The following SGCZ variants were observed in gnomAD, a reference collection of about 807,000 sequenced individuals.
SGCZ encodes sarcoglycan zeta.
SGCZ carries 40 observed loss-of-function variants against 41.3 expected under a neutral mutation model. The observed-to-expected ratio is 0.97, with a 90% confidence interval of 0.75 to 1.26. The LOEUF (loss-of-function observed/expected upper bound fraction) is 1.26. SGCZ is among the 50% of genes most tolerant of loss of function. The pLI is 0.00. For missense variants in SGCZ, 552 were observed against 369.8 expected, an observed-to-expected ratio of 1.49 and a Z score of -4.04; for synonymous variants, 206 against 137.5, an observed-to-expected ratio of 1.50 and a Z score of -3.49.
At chr8:15,028,531 C>G (rs559437448) in intron 1 of SGCZ, among the ~76,000 whole-genome samples, 19 of 152,054 alleles carry the variant, frequency 1.2e-4, no homozygotes, top group African/African-American at 4.1e-4. Context: ...AAGTCAGTTT[C>G]ATAAGGAACA....
chr8:14,906,829 G>C (rs1015840189), intron 1 of SGCZ, among the ~76,000 whole-genome samples: 1 of 152,152 alleles, frequency 6.6e-6, no homozygotes, highest in Admixed American at 6.5e-5. Context: ...GTTCTTATGA[G>C]AGAAATCATT....
intron 2 of SGCZ, among the ~76,000 whole-genome samples, chr8:14,404,672 G>C (rs28588464): frequency 6.6e-6 from 1 of 152,142 alleles, no homozygotes; most frequent in African/African-American, 2.4e-5. Flanking sequence ...TCTTAGACCA[G>C]TTCTTTCTCC....
chr8:14,424,879 A>G (rs1363082019), intron 2 of SGCZ, among the ~76,000 whole-genome samples: 1 of 152,226 alleles, frequency 6.6e-6, no homozygotes, highest in East Asian at 1.9e-4. Flanking sequence ...GGTAAAATAA[A>G]TGAGCAATTT....
At chr8:14,562,965 G>C (rs570030301) in intron 1 of SGCZ, among the ~76,000 whole-genome samples, 1 of 152,296 alleles carries the variant, frequency 6.6e-6, no homozygotes, top group South Asian at 2.1e-4. Flanking sequence ...CCCAAAGGAG[G>C]AGTAGTATAG....
chr8:14,264,468 A>C (rs1799802070), intron 3 of SGCZ, among the ~76,000 whole-genome samples: 1 of 152,146 alleles, frequency 6.6e-6, no homozygotes, highest in South Asian at 2.1e-4. Context: ...TTCCTTCAGG[A>C]ACAAAACATC....
At chr8:14,968,693 T>G (rs1801196797) in intron 1 of SGCZ, among the ~76,000 whole-genome samples, 1 of 152,106 alleles carries the variant, frequency 6.6e-6, no homozygotes, top group Non-Finnish European at 1.5e-5. Context: ...ACAGCTACCT[T>G]GAGAAAATGA....
chr8:14,449,828 G>A (rs1376219350), intron 2 of SGCZ, among the ~76,000 whole-genome samples: 1 of 152,158 alleles, frequency 6.6e-6, no homozygotes, highest in Non-Finnish European at 1.5e-5. Flanking sequence ...GTAATGGAAG[G>A]TCCAAGAACT....
At chr8:14,532,534 G>A (rs1003831132) in intron 2 of SGCZ, among the ~76,000 whole-genome samples, 8 of 151,918 alleles carry the variant, frequency 5.3e-5, no homozygotes, top group Non-Finnish European at 7.4e-5. Flanking sequence ...AAGATAAAGA[G>A]AGCTAACTGT....
chr8:15,188,378 T>G (rs2117103894), intron 1 of SGCZ, among the ~76,000 whole-genome samples: 1 of 152,220 alleles, frequency 6.6e-6, no homozygotes, highest in Middle Eastern at 3.4e-3. Flanking sequence ...TTAAAGTATC[T>G]CTCTGTTAAT....
At chr8:14,418,584 G>C (rs1438956869) in intron 2 of SGCZ, among the ~76,000 whole-genome samples, 1 of 151,446 alleles carries the variant, frequency 6.6e-6, no homozygotes, top group African/African-American at 2.4e-5. Context: ...GTAGTTCTCA[G>C]TTTGGTGTCA....
At chr8:14,887,538 A>G (rs1438588044) in intron 1 of SGCZ, among the ~76,000 whole-genome samples, 1 of 152,194 alleles carries the variant, frequency 6.6e-6, no homozygotes, top group Non-Finnish European at 1.5e-5. Flanking sequence ...ATTCCATCAA[A>G]AATAGCAAAA....
chr8:14,168,521 G>C (rs1022506882), intron 4 of SGCZ, among the ~76,000 whole-genome samples: 4 of 152,052 alleles, frequency 2.6e-5, no homozygotes, highest in Non-Finnish European at 4.4e-5. Flanking sequence ...TTTTATAAAG[G>C]GGAGTTTCCC....
chr8:14,885,361 G>A (rs1166985674), intron 1 of SGCZ, among the ~76,000 whole-genome samples: 2 of 152,092 alleles, frequency 1.3e-5, no homozygotes, highest in African/African-American at 4.8e-5. Flanking sequence ...TATTTGTTAT[G>A]CCTAGGGACT....
At chr8:14,973,085 G>C (rs1003681608) in intron 1 of SGCZ, among the ~76,000 whole-genome samples, 3 of 152,084 alleles carry the variant, frequency 2.0e-5, no homozygotes, top group African/African-American at 7.2e-5. Context: ...CTCAAACTTT[G>C]TTCTGGGATA....
At chr8:14,417,182 G>C (rs1211053989) in intron 2 of SGCZ, among the ~76,000 whole-genome samples, 2 of 151,792 alleles carry the variant, frequency 1.3e-5, no homozygotes, top group Non-Finnish European at 2.9e-5. Flanking sequence ...GAAAGTAATT[G>C]TAACATGGAA....
chr8:15,164,584 A>G (rs1361285729), intron 1 of SGCZ, among the ~76,000 whole-genome samples: 1 of 151,048 alleles, frequency 6.6e-6, no homozygotes, highest in Non-Finnish European at 1.5e-5. Flanking sequence ...AGGCATTTTT[A>G]AACTTTTTTT....
chr8:15,131,468 G>C (rs1375656009), intron 1 of SGCZ, among the ~76,000 whole-genome samples: 1 of 152,130 alleles, frequency 6.6e-6, no homozygotes. Context: ...CCCAGTCTTG[G>C]ATATGTCTTT....
chr8:14,272,349 G>T (rs1321903226), intron 3 of SGCZ, among the ~76,000 whole-genome samples: 1 of 152,176 alleles, frequency 6.6e-6, no homozygotes, highest in Admixed American at 6.5e-5. Context: ...TCCATACAGG[G>T]TGACTATATG....
In SGCZ at chr8:14,559,938, T is replaced by C. The variant is rs142135885; in HGVS notation, c.40-5012A>G. Reference sequence around the variant, plus strand: ...TTTGGCGTAGATGTGAAACCCATTATGTTATGTAACATAAGTGTTATAACA... The same window carrying C: ...TTTGGCGTAGATGTGAAACCCATTACGTTATGTAACATAAGTGTTATAACA... On this transcript the variant is annotated intron_variant, in intron 1 of 7. Transcript: ENST00000382080. Among the ~76,000 whole-genome samples, 525 of 152,298 alleles carry C rather than the reference T, an allele frequency of 3.4e-3. 13 individuals carry two copies. The highest frequency in any genetic ancestry group is 0.032 in the Admixed American group (494 of 15,268).
Sources: gnomAD v4.1 joint callset for allele counts (sites outside exome capture counted in the v4.1 genomes callset) on GRCh38, gnomAD v4.1.1 for gene constraint, MANE v1.5 for transcripts, NCBI Gene and HGNC (gene_info 2026-07-23, HGNC 2026-07-21) for gene names.